PAPPA2: variants seen among roughly 807,000 people sequenced by gnomAD.
The protein encoded by PAPPA2 is pappalysin 2, also known as pappalysin-2.
Under a neutral mutation model 176.4 loss-of-function variants are expected in PAPPA2, and 86 were observed. The observed-to-expected ratio is 0.49, with a 90% CI of 0.41 to 0.58. The LOEUF (loss-of-function observed/expected upper bound fraction) is 0.58. Ranked by LOEUF, PAPPA2 falls within the 20% of genes least tolerant of loss-of-function variation. The pLI is 0.00. For missense variants in PAPPA2, 2,073 were observed against 2,256.9 expected (o/e 0.92, Z 1.65); for synonymous variants, 809 against 852.2 (o/e 0.95, Z 0.88).
At chr1:176,760,613 G>A (rs1040699696) in intron 14 of PAPPA2, among the ~76,000 whole-genome samples, 3 of 152,136 alleles carry the variant, frequency 2.0e-5, no homozygotes, top group Admixed American at 1.3e-4. Flanking sequence ...TGGAATAAGA[G>A]GGCCACTCTT....
chr1:176,619,903 T>C (rs1296042728), intron 3 of PAPPA2, among the ~76,000 whole-genome samples: 2 of 152,194 alleles, frequency 1.3e-5, no homozygotes, highest in Non-Finnish European at 2.9e-5. Context: ...TTTTGGTGCC[T>C]TATCTTAGGG....
At chr1:176,800,720 T>C (rs1203764473) in intron 21 of PAPPA2, among the ~76,000 whole-genome samples, 2 of 152,168 alleles carry the variant, frequency 1.3e-5, no homozygotes, top group African/African-American at 4.8e-5. Context: ...TGGGCAACTC[T>C]CTCCAGTTAG....
chr1:176,792,440 T>C (rs1236323771), intron 19 of PAPPA2, among the ~76,000 whole-genome samples: 2 of 152,216 alleles, frequency 1.3e-5, no homozygotes, highest in African/African-American at 4.8e-5. Flanking sequence ...TGATGTCTTG[T>C]GGTCAGGCAT....
chr1:176,761,392 G>A (rs541883458), intron 14 of PAPPA2, among the ~76,000 whole-genome samples: 12 of 152,098 alleles, frequency 7.9e-5, no homozygotes, highest in Non-Finnish European at 1.2e-4. Context: ...CTGAGAACAC[G>A]TTGTAATGGG....
chr1:176,777,886 T>C (rs1341941913), intron 17 of PAPPA2, among the ~76,000 whole-genome samples: 15 of 152,202 alleles, frequency 9.9e-5, no homozygotes, highest in Non-Finnish European at 1.9e-4. Flanking sequence ...ACCAGGTTAA[T>C]GGCTCTTACA....
At chr1:176,477,869 C>T (rs1652212995) in intron 1 of PAPPA2, among the ~76,000 whole-genome samples, 1 of 152,132 alleles carries the variant, frequency 6.6e-6, no homozygotes, top group African/African-American at 2.4e-5. Flanking sequence ...ATTTGAAAAA[C>T]ATTGCTATAA....
At chr1:176,621,710 C>A (rs577131632) in intron 3 of PAPPA2, among the ~76,000 whole-genome samples, 1 of 151,974 alleles carries the variant, frequency 6.6e-6, no homozygotes, top group South Asian at 2.1e-4. Context: ...CTGTGAGGAA[C>A]CTGCTCTGTC....
At chr1:176,793,754 G>T (rs1383025596) in intron 20 of PAPPA2, 85 bp downstream of exon 20, 1 of 998,154 alleles carries the variant, frequency 1.0e-6, no homozygotes, top group Non-Finnish European at 1.5e-6. Flanking sequence ...TAATTTCAGA[G>T]GCTTTCAAAG....
chr1:176,619,202 G>T (rs777802845), intron 3 of PAPPA2, among the ~76,000 whole-genome samples: 25 of 152,186 alleles, frequency 1.6e-4, no homozygotes, highest in Non-Finnish European at 2.8e-4. Flanking sequence ...TATCCCATTA[G>T]TACCATCTTT....
At chr1:176,840,053 T>A in intron 21 of PAPPA2, 120 bp from the exon 22 acceptor site, 1 of 751,736 alleles carries the variant, frequency 1.3e-6, no homozygotes, top group Non-Finnish European at 2.2e-6. Context: ...TCCTGCACCT[T>A]GGGTGCTTTT....
chr1:176,585,275 A>C (rs1305811001), intron 2 of PAPPA2, among the ~76,000 whole-genome samples: 1 of 150,900 alleles, frequency 6.6e-6, no homozygotes, highest in Non-Finnish European at 1.5e-5. Context: ...CGGCTGATGG[A>C]TTTGTTTGTT....
intron 3 of PAPPA2, among the ~76,000 whole-genome samples, chr1:176,604,180 C>T (rs541865414): frequency 2.0e-5 from 3 of 152,178 alleles, no homozygotes; most frequent in African/African-American, 7.2e-5. Flanking sequence ...TAGGTGAGGC[C>T]TTCCCTGGAG....
chr1:176,837,016 A>G (rs1667296986), intron 21 of PAPPA2, among the ~76,000 whole-genome samples: 1 of 152,180 alleles, frequency 6.6e-6, no homozygotes, highest in Admixed American at 6.5e-5. Context: ...CCCCACAGCA[A>G]CTTCAAAATG....
At chr1:176,782,411 C>A (rs1252194924) in intron 17 of PAPPA2, among the ~76,000 whole-genome samples, 1 of 151,562 alleles carries the variant, frequency 6.6e-6, no homozygotes, top group African/African-American at 2.4e-5. Context: ...GGGTATGCAT[C>A]CTATGAAAGG....
At chr1:176,791,561 T>G in intron 19 of PAPPA2, 79 bp downstream of exon 19, 1 of 1,503,694 alleles carries the variant, frequency 6.7e-7, no homozygotes, top group Non-Finnish European at 9.1e-7. Flanking sequence ...TTTAATTTTA[T>G]TTATTTTTGT....
intron 17 of PAPPA2, among the ~76,000 whole-genome samples, chr1:176,771,964 G>C (rs142902389): frequency 6.6e-6 from 1 of 152,118 alleles, no homozygotes; most frequent in South Asian, 2.1e-4. Flanking sequence ...CTTTCTTCTA[G>C]GTCTCATTCT....
intron 4 of PAPPA2, among the ~76,000 whole-genome samples, chr1:176,686,519 T>A (rs1415763588): frequency 6.6e-6 from 1 of 152,180 alleles, no homozygotes; most frequent in Non-Finnish European, 1.5e-5. Flanking sequence ...ACAGCCAAAC[T>A]ATATCACCAT....
intron 12 of PAPPA2, among the ~76,000 whole-genome samples, chr1:176,719,358 C>A (rs1327563705): frequency 6.6e-6 from 1 of 151,710 alleles, no homozygotes; most frequent in Non-Finnish European, 1.5e-5. Context: ...TGTGAAAAAA[C>A]AAAAAACAAA....
Position 176,679,261 on chromosome 1 carries a change from T to G in PAPPA2, c.2137+8146T>G, listed in dbSNP as rs147181431. Among the ~76,000 whole-genome samples the G allele has an allele frequency of 2.4e-3, 365 of 152,282 alleles. 9 individuals carry two copies. In the East Asian group the frequency reaches 0.065, roughly 27 times the overall value. ...GTCACGTAGACTAATCTCCTTTATG[T>G]GTGATGCCATCAACCTACATCCTGA... On this transcript the variant is annotated intron_variant, in intron 4 of 22. Coordinates refer to ENST00000367662, the MANE Select transcript of PAPPA2 (RefSeq NM_020318.3).
Sources: gnomAD v4.1 joint callset for allele counts (sites outside exome capture counted in the v4.1 genomes callset) on GRCh38, gnomAD v4.1.1 for gene constraint, MANE v1.5 for transcripts, NCBI Gene and HGNC (gene_info 2026-07-23, HGNC 2026-07-21) for gene names.